MACROD2: variants seen among roughly 807,000 people sequenced by gnomAD.
The protein encoded by MACROD2 is ADP-ribose glycohydrolase MACROD2.
MACROD2 carries 36 observed loss-of-function variants against 70.4 expected under a neutral mutation model. The observed-to-expected ratio is 0.51, with a 90% CI of 0.39 to 0.68. The LOEUF (loss-of-function observed/expected upper bound fraction) is 0.68, where lower values mean the gene tolerates loss of function less well. MACROD2 is among the 30% of genes least tolerant of loss of function. The probability of loss-of-function intolerance (pLI) is 0.00; values close to 1 mark genes in which losing one functional copy is unlikely to be tolerated. For synonymous variants in MACROD2, 172 were observed against 178.8 expected (o/e 0.96, Z 0.30); for missense variants, 496 against 538.4 (o/e 0.92, Z 0.78).
chr20:15,124,577 C>T (rs2076053594), intron 5 of MACROD2, among the ~76,000 whole-genome samples: 1 of 151,916 alleles, frequency 6.6e-6, no homozygotes, highest in Admixed American at 6.6e-5. Flanking sequence ...CTGCATATAG[C>T]TCCCTAATTA....
intron 3 of MACROD2, among the ~76,000 whole-genome samples, chr20:14,383,320 CT>C (rs58922130): frequency 0.017 from 2,393 of 139,304 alleles, 71 homozygotes; most frequent in African/African-American, 0.058. Context: ...TTTTTTTTTG[CT>C]TTTTTTTTGG....
At chr20:14,649,747 T>C (rs1200541151) in intron 4 of MACROD2, among the ~76,000 whole-genome samples, 1 of 152,194 alleles carries the variant, frequency 6.6e-6, no homozygotes, top group African/African-American at 2.4e-5. Context: ...CTAAAGAGTT[T>C]GCCCTGGGTA....
intron 5 of MACROD2, among the ~76,000 whole-genome samples, chr20:14,954,012 A>C (rs572412212): frequency 6.6e-6 from 1 of 152,202 alleles, no homozygotes; most frequent in African/African-American, 2.4e-5. Context: ...TTGGTTTCTA[A>C]GTCTTAGGAG....
At chr20:15,982,177 TGG>T (rs1332669491) in intron 13 of MACROD2, among the ~76,000 whole-genome samples, 1 of 152,068 alleles carries the variant, frequency 6.6e-6, no homozygotes, top group Non-Finnish European at 1.5e-5. Context: ...ACTGTGATCA[TGG>T]GGGGTTCAGA....
chr20:15,730,002 A>G (rs2050923899), intron 8 of MACROD2, among the ~76,000 whole-genome samples: 1 of 151,496 alleles, frequency 6.6e-6, no homozygotes, highest in African/African-American at 2.4e-5. Flanking sequence ...TAACTATTGT[A>G]TTTTCAGTAG....
At chr20:14,629,193 G>A (rs8123130) in intron 4 of MACROD2, among the ~76,000 whole-genome samples, 5,212 of 152,028 alleles carry the variant, frequency 0.034, 308 homozygotes, top group African/African-American at 0.12. Context: ...TTTAACTGCC[G>A]TTTTTGAACC....
chr20:15,499,716 G>C, intron 7 of MACROD2, 58 bp from the exon 8 acceptor site: 1 of 1,502,704 alleles, frequency 6.7e-7, no homozygotes, highest in Non-Finnish European at 9.3e-7. Flanking sequence ...AGCGTGATTA[G>C]CCTCCCTTTT....
intron 3 of MACROD2, among the ~76,000 whole-genome samples, chr20:14,194,336 G>A (rs1162242298): frequency 2.0e-5 from 3 of 152,156 alleles, no homozygotes; most frequent in Admixed American, 1.3e-4. Flanking sequence ...AGCCAAGATT[G>A]GGATCACTTC....
chr20:15,683,791 G>A (rs941118643), intron 8 of MACROD2, among the ~76,000 whole-genome samples: 1 of 152,144 alleles, frequency 6.6e-6, no homozygotes, highest in Non-Finnish European at 1.5e-5. Flanking sequence ...TGTCGGCCAT[G>A]CTGGTCTCGA....
At chr20:15,176,091 G>A (rs1368617131) in intron 5 of MACROD2, among the ~76,000 whole-genome samples, 1 of 152,250 alleles carries the variant, frequency 6.6e-6, no homozygotes, top group Non-Finnish European at 1.5e-5. Context: ...CCAGGTATGT[G>A]TATTCTCAGA....
rs533409823 is a variant in MACROD2 at position 14,401,732 on chromosome 20, ATCTG to A, written c.272-91741_272-91738del. 1.8e-3 allele frequency among the ~76,000 whole-genome samples: 272 copies of A among 152,124 alleles called. 2 individuals carry two copies. Among genetic ancestry groups the A allele is most frequent in the African/African-American group, 6.5e-3 (268 of 41,492 alleles). On this transcript the variant is annotated intron_variant, in intron 3 of 17. Coordinates refer to ENST00000684519, the MANE Select transcript of MACROD2 (RefSeq NM_001351661.2). ...TCATGGTGGTTTTGTTGGTTCACAG[ATCTG>A]TCTGTTTTTTTTTCCCCAATACAAA...
At chr20:15,469,374 G>A (rs553765203) in intron 7 of MACROD2, among the ~76,000 whole-genome samples, 7 of 152,290 alleles carry the variant, frequency 4.6e-5, no homozygotes, top group Admixed American at 1.3e-4. Context: ...AACAAACAGG[G>A]TACACATGGA....
At chr20:15,704,078 C>T (rs11905434) in intron 8 of MACROD2, among the ~76,000 whole-genome samples, 2,210 of 152,240 alleles carry the variant, frequency 0.015, 63 homozygotes, top group African/African-American at 0.048. Flanking sequence ...CCATCCTAAC[C>T]CCTCCTACTC....
At chr20:14,886,480 C>G (rs1260861238) in intron 5 of MACROD2, among the ~76,000 whole-genome samples, 1 of 152,164 alleles carries the variant, frequency 6.6e-6, no homozygotes, top group African/African-American at 2.4e-5. Context: ...GAGTGACCTG[C>G]TCTGGTTTAT....
intron 5 of MACROD2, among the ~76,000 whole-genome samples, chr20:14,735,651 C>A (rs1237366756): frequency 1.3e-5 from 2 of 151,904 alleles, no homozygotes; most frequent in Non-Finnish European, 2.9e-5. Context: ...AGTTCGTGAC[C>A]AGCCTGGACA....
Position 13,995,863 on chromosome 20 carries a change from C to CGGGGGGGGTTTGGGGGGGGGGG in MACROD2, c.46+59_46+60insGGGTTTGGGGGGGGGGGGGGGG. The CGGGGGGGGTTTGGGGGGGGGGG allele has an allele frequency of 7.3e-6, 3 of 412,906 alleles. No individual in the cohort carries two copies. The highest frequency in any genetic ancestry group is 6.4e-5 in the East Asian group (1 of 15,600). 25.6% of individuals were successfully genotyped at this position (412,906 alleles called of 1,614,324 possible). A position where few individuals can be genotyped will look rare whatever the true frequency, so the allele number is the denominator to read the frequency against. Reference sequence around the variant, plus strand: ...CGGGCGGTGGGGGTTAGGGTGGGGGCGGGGGTCAGGCTGTGTGTGCCGCGG... The same window carrying CGGGGGGGGTTTGGGGGGGGGGG: ...CGGGCGGTGGGGGTTAGGGTGGGGGCGGGGGGGGTTTGGGGGGGGGGGGGGGGTCAGGCTGTGTGTGCCGCGG... On this transcript the variant is annotated intron_variant, in intron 1 of 17. Coordinates refer to ENST00000684519, the MANE Select transcript of MACROD2 (RefSeq NM_001351661.2). This position sits in a 1 kb window ranked among gnomAD's most constrained non-coding sequence, Gnocchi z 4.3.
At chr20:15,263,013 T>G (rs1238568605) in intron 6 of MACROD2, among the ~76,000 whole-genome samples, 17 of 152,178 alleles carry the variant, frequency 1.1e-4, no homozygotes, top group Admixed American at 1.1e-3. Flanking sequence ...TGTTGCTTGT[T>G]TCCTTTGTTG....
intron 3 of MACROD2, among the ~76,000 whole-genome samples, chr20:14,209,574 A>G (rs2081554402): frequency 6.6e-6 from 1 of 152,214 alleles, no homozygotes; most frequent in Non-Finnish European, 1.5e-5. Flanking sequence ...AAAACCAATA[A>G]TTTATTTCCT....
chr20:15,994,071 T>G (rs1192788417), intron 15 of MACROD2, among the ~76,000 whole-genome samples: 2 of 152,212 alleles, frequency 1.3e-5, no homozygotes, highest in Admixed American at 6.5e-5. Context: ...TGCCCTTTTT[T>G]TAACCTGTTT....
Sources: allele counts gnomAD v4.1 joint callset (sites outside exome capture counted in the v4.1 genomes callset), GRCh38; gene constraint gnomAD v4.1.1; non-coding constraint Gnocchi (gnomAD v3.1); transcripts MANE v1.5; gene names NCBI Gene and HGNC (gene_info 2026-07-23, HGNC 2026-07-21).